MLXIPL: variants seen among roughly 807,000 people sequenced by gnomAD.
MLXIPL encodes MLX interacting protein like.
MLXIPL carries 49 observed loss-of-function variants against 81.5 expected under a neutral mutation model. The observed-to-expected ratio is 0.60, with a 90% CI of 0.48 to 0.76. The LOEUF is 0.76. MLXIPL is among the 30% of genes least tolerant of loss of function. The pLI, the probability that MLXIPL is intolerant of heterozygous loss-of-function variation, is 0.00. For missense variants in MLXIPL, 1,053 were observed against 1,167.0 expected, an observed-to-expected ratio of 0.90 and a Z score of 1.42; for synonymous variants, 466 against 485.5, an observed-to-expected ratio of 0.96 and a Z score of 0.53.
rs528787319 is a variant in MLXIPL at position 73,617,505 on chromosome 7, T to A, written c.294-1328A>T. 1.5e-3 allele frequency among the ~76,000 whole-genome samples: 230 copies of A among 152,216 alleles called. 1 individual carries two copies. Among genetic ancestry groups the A allele is most frequent in the African/African-American group, 5.3e-3 (220 of 41,556 alleles). The stretch of plus-strand genomic sequence containing the variant: ...AGGCCGCTAGGATGAGCAAATGGTA[T>A]TCATGGAGACAGAGCACCCTCACTC... On this transcript the variant is annotated intron_variant, in intron 1 of 16. Transcript: ENST00000313375.
upstream of MLXIPL, among the ~76,000 whole-genome samples, chr7:73,627,070 C>T (rs115501617): frequency 2.4e-3 from 366 of 152,216 alleles, no homozygotes; most frequent in African/African-American, 6.3e-3. Context: ...GCCAAATGTT[C>T]GCATCACATT....
In MLXIPL at chr7:73,595,803, T is replaced by C. The variant is rs782566448; in HGVS notation, c.2186+39A>G. ...GTCAGGGGCTGGGGGTAAGGCGGCA[T>C]GGCCCCCTGGTCCCAGCACCCGCCT... On this transcript the variant is annotated intron_variant, in intron 14 of 16. Transcript: ENST00000313375. 1.2e-5 allele frequency: 19 copies of C among 1,582,974 alleles called. No individual in the cohort carries two copies. The East Asian group carries it at 4.4e-4, about 37-fold the overall frequency.
upstream of MLXIPL, among the ~76,000 whole-genome samples, chr7:73,629,047 C>CA (rs1554604134): frequency 1.4e-5 from 2 of 143,844 alleles, no homozygotes; most frequent in Non-Finnish European, 3.1e-5. Context: ...CTTTTCTTTT[C>CA]TTTTTTTTTT....
chr7:73,618,377 G>A lies in MLXIPL; in HGVS notation c.294-2200C>T, dbSNP rs147640119. On this transcript the variant is annotated intron_variant, in intron 1 of 16. Coordinates refer to ENST00000313375, the MANE Select transcript of MLXIPL (RefSeq NM_032951.3). Reference sequence around the variant, plus strand: ...CTCCCAAAGTGCTGGGATGACAGGCGTGAGCCACCGCACCTGGCCCCCAAG... The same window carrying A: ...CTCCCAAAGTGCTGGGATGACAGGCATGAGCCACCGCACCTGGCCCCCAAG... 4.0e-3 allele frequency among the ~76,000 whole-genome samples: 616 copies of A among 152,296 alleles called. 3 individuals carry two copies. Among genetic ancestry groups the A allele is most frequent in the Middle Eastern group, 0.014 (4 of 294 alleles).
In MLXIPL at chr7:73,624,329, G is replaced by T; in HGVS notation, c.164C>A (p.Ser55Ter). Residue 55 changes from serine to a stop codon, truncating the protein, a stop_gained, in exon 1 of 17, where the codon TCG becomes TAG. Transcript: ENST00000313375. LOFTEE classifies it high-confidence loss of function. The stretch of plus-strand genomic sequence containing the variant: ...GGGCAGCGAGTCGCTGTGCGGCGAC[G>T]ACACCATGAAGTGACCGCTGTGGAT... Reference protein sequence around the residue: ...QVIHSGHFMVSSPHSDSLPRR... With the variant: ...QVIHSGHFMV 1 of 1,588,588 alleles carries T rather than the reference G, an allele frequency of 6.3e-7. No homozygotes were observed. Among genetic ancestry groups the T allele is most frequent in the Non-Finnish European group, 8.5e-7 (1 of 1,169,972 alleles).
chr7:73,633,350 T>G, the MLXIPL span, among the ~76,000 whole-genome samples: 6 of 149,948 alleles, frequency 4.0e-5, no homozygotes, highest in African/African-American at 7.4e-5. Context: ...CCAAAGTGTT[T>G]TTTTTTTTTT....
At chr7:73,641,803 T>G in the MLXIPL span, among the ~76,000 whole-genome samples, 1 of 152,046 alleles carries the variant, frequency 6.6e-6, no homozygotes, top group Non-Finnish European at 1.5e-5. Flanking sequence ...GCCTGGCTAA[T>G]TTTTGTATTT....
chr7:73,630,906 A>G, the MLXIPL span, among the ~76,000 whole-genome samples: 4 of 152,324 alleles, frequency 2.6e-5, no homozygotes, highest in African/African-American at 9.6e-5. Flanking sequence ...ACACAAGACT[A>G]TTCGTGGCAG....
At chr7:73,633,284 G>A in the MLXIPL span, among the ~76,000 whole-genome samples, 13 of 150,704 alleles carry the variant, frequency 8.6e-5, no homozygotes, top group African/African-American at 2.4e-4. Context: ...GGGTTTCACC[G>A]TGTTAACCAG....
chr7:73,639,008 A>C, the MLXIPL span, among the ~76,000 whole-genome samples: 1 of 152,138 alleles, frequency 6.6e-6, no homozygotes, highest in Non-Finnish European at 1.5e-5. Flanking sequence ...GAGAAAAAAA[A>C]ATAGTAGAGA....
At position 73,624,323 on chromosome 7, in the gene MLXIPL, G is replaced by A; in HGVS notation, c.170C>T (p.Pro57Leu). 1.3e-6 allele frequency: 2 copies of A among 1,588,108 alleles called. No individual in the cohort carries two copies. Among genetic ancestry groups the A allele is most frequent in the Non-Finnish European group, 1.7e-6 (2 of 1,169,574 alleles). Residue 57 changes from proline to leucine, a missense_variant, in exon 1 of 17, where the codon CCG becomes CTG. Pro to Leu is a moderately conservative substitution (Grantham distance 98). Coordinates refer to ENST00000313375, the MANE Select transcript of MLXIPL (RefSeq NM_032951.3). ...IHSGHFMVSS[P>L]HSDSLPRRRD... is the part of the protein sequence containing the mutation. ...CCGCCGGGGCAGCGAGTCGCTGTGC[G>A]GCGACGACACCATGAAGTGACCGCT...
upstream of MLXIPL, chr7:73,624,562 C>A (rs1563518813): frequency 4.8e-6 from 7 of 1,455,988 alleles, no homozygotes; most frequent in South Asian, 6.9e-5. Flanking sequence ...GCCAGCCGGG[C>A]CTCATTAACA....
At position 73,597,232 on chromosome 7, in the gene MLXIPL, G is replaced by A; in HGVS notation, c.1553C>T (p.Pro518Leu). Reference sequence around the variant, plus strand: ...GGGGTTGTTGCTCCCCGCAGTGGTGGGGGGACTGGCAGTGGCAGGGGCTAA... The same window carrying A: ...GGGGTTGTTGCTCCCCGCAGTGGTGAGGGGACTGGCAGTGGCAGGGGCTAA... ...PTLAPATASP[P>L]TTAGSNNPCL... The change falls in exon 9 of 17, where the codon CCC becomes CTC. Residue 518 changes from proline (P) to leucine (L), a missense_variant. Transcript: ENST00000313375. The A allele has an allele frequency of 6.2e-7, 1 of 1,604,330 alleles. No homozygotes were observed. The highest frequency in any genetic ancestry group is 1.1e-5 in the South Asian group (1 of 89,588).
chr7:73,632,725 C>CCTTT, the MLXIPL span, among the ~76,000 whole-genome samples: 2 of 149,852 alleles, frequency 1.3e-5, no homozygotes, highest in African/African-American at 5.0e-5. Flanking sequence ...TCTTCCTTTC[C>CCTTT]CTTTCATTCC....
At chr7:73,641,631 A>C in the MLXIPL span, among the ~76,000 whole-genome samples, 1 of 151,902 alleles carries the variant, frequency 6.6e-6, no homozygotes, top group Admixed American at 6.6e-5. Flanking sequence ...CAATTCTGAC[A>C]CTTTTTTTTG....
At position 73,596,310 on chromosome 7, in the gene MLXIPL, C is replaced by T; in HGVS notation, c.1939-38G>A. ...AGAGTTGGGTGAGCCTAGGAAGGAGCCCAGGAGGGCCTGGGGGTAGCAAAC... is the reference window on the plus strand; with the variant it reads ...AGAGTTGGGTGAGCCTAGGAAGGAGTCCAGGAGGGCCTGGGGGTAGCAAAC... On this transcript the variant is annotated intron_variant, in intron 12 of 16. Coordinates refer to ENST00000313375, the MANE Select transcript of MLXIPL (RefSeq NM_032951.3). The surrounding 1 kb of genome is among the most constrained non-coding windows in gnomAD (Gnocchi z 4.7). 6.2e-7 allele frequency: 1 copy of T among 1,612,692 alleles called. No individual in the cohort carries two copies. The highest frequency in any genetic ancestry group is 8.5e-7 in the Non-Finnish European group (1 of 1,179,724).
the MLXIPL span, among the ~76,000 whole-genome samples, chr7:73,636,041 A>G: frequency 6.6e-6 from 1 of 152,150 alleles, no homozygotes; most frequent in Non-Finnish European, 1.5e-5. Context: ...AGTTCAGTTA[A>G]GGGCGGCCGG....
chr7:73,618,646 C>T, intron 1 of MLXIPL, among the ~76,000 whole-genome samples: 1 of 152,010 alleles, frequency 6.6e-6, no homozygotes, highest in East Asian at 1.9e-4. Flanking sequence ...CACAGCCCAG[C>T]TCTCTGGGCC....
rs1795409727 is a variant in MLXIPL at position 73,607,677 on chromosome 7, G to C, written c.401-5C>G. ...GGCTCTTCCTCCGCTTCACATCTGA[G>C]AGAAGGGGGCCAGGTCAGGGGCACC... On this transcript the variant is annotated splice_region_variant and splice_polypyrimidine_tract_variant and intron_variant, in intron 2 of 16. Transcript: ENST00000313375. 6.2e-7 allele frequency: 1 copy of C among 1,613,094 alleles called. No homozygotes were observed. The highest frequency in any genetic ancestry group is 8.5e-7 in the Non-Finnish European group (1 of 1,179,898).
Sources: allele counts gnomAD v4.1 joint callset (sites outside exome capture counted in the v4.1 genomes callset), GRCh38; gene constraint gnomAD v4.1.1; non-coding constraint Gnocchi (gnomAD v3.1); transcripts MANE v1.5; gene names NCBI Gene and HGNC (gene_info 2026-07-23, HGNC 2026-07-21).